GPHN: variants seen among roughly 807,000 people sequenced by gnomAD.
GPHN encodes gephyrin.
GPHN carries 17 observed loss-of-function variants against 95.5 expected under a neutral mutation model. The observed-to-expected ratio is 0.18, with a 90% CI of 0.12 to 0.27. The LOEUF is 0.27. Among genes scored for constraint, GPHN ranks in the 10% least tolerant of loss-of-function variants. The pLI is 1.00. For synonymous variants in GPHN, 320 were observed against 322.5 expected, an observed-to-expected ratio of 0.99 and a Z score of 0.08; for missense variants, 660 against 978.1, an observed-to-expected ratio of 0.67 and a Z score of 4.34.
intron 11 of GPHN, among the ~76,000 whole-genome samples, chr14:67,062,014 G>A (rs1262304411): frequency 6.6e-6 from 1 of 151,998 alleles, no homozygotes; most frequent in African/African-American, 2.4e-5. Context: ...TTCTTCATAT[G>A]TTTTGTAAGA....
intron 5 of GPHN, among the ~76,000 whole-genome samples, chr14:66,915,443 G>T (rs1273494310): frequency 6.6e-6 from 1 of 152,038 alleles, no homozygotes; most frequent in East Asian, 1.9e-4. Context: ...CCTGGAAATT[G>T]ACAATTATCT....
chr14:67,721,752 TATATA>T, the GPHN span, among the ~76,000 whole-genome samples: 1 of 149,598 alleles, frequency 6.7e-6, no homozygotes, highest in Non-Finnish European at 1.5e-5. Context: ...TATATATATA[TATATA>T]TATATATGTA....
chr14:67,342,626 G>T, the GPHN span, among the ~76,000 whole-genome samples: 1 of 148,618 alleles, frequency 6.7e-6, no homozygotes, highest in Non-Finnish European at 1.5e-5. Flanking sequence ...AGTCAAAAAG[G>T]TTTTTTAAAA....
chr14:67,641,047 A>G, the GPHN span, among the ~76,000 whole-genome samples: 1 of 152,206 alleles, frequency 6.6e-6, no homozygotes, highest in African/African-American at 2.4e-5. Context: ...ATAACTGCCT[A>G]TCAGTAGCAT....
At chr14:67,356,502 AC>A in the GPHN span, among the ~76,000 whole-genome samples, 25 of 152,252 alleles carry the variant, frequency 1.6e-4, no homozygotes, top group African/African-American at 5.8e-4. Flanking sequence ...GGAATCTTTT[AC>A]CATAGGGCTA....
the GPHN span, chr14:67,662,485 T>C: frequency 6.2e-7 from 1 of 1,611,994 alleles, no homozygotes; most frequent in South Asian, 1.1e-5. Context: ...ACCGTTTCAT[T>C]TGCTTCCTGT....
intron 8 of GPHN, among the ~76,000 whole-genome samples, chr14:66,962,764 G>T: frequency 6.7e-6 from 1 of 149,618 alleles, no homozygotes; most frequent in South Asian, 2.1e-4. Flanking sequence ...TTTTAATCTT[G>T]CAACTTTCTT....
chr14:67,425,821 C>T, the GPHN span, among the ~76,000 whole-genome samples: 1 of 152,110 alleles, frequency 6.6e-6, no homozygotes, highest in South Asian at 2.1e-4. Context: ...CAGCGGTGGG[C>T]GTGTCTCTGC....
At chr14:66,543,306 T>A (rs1594890697) in intron 1 of GPHN, among the ~76,000 whole-genome samples, 1 of 152,304 alleles carries the variant, frequency 6.6e-6, no homozygotes, top group East Asian at 1.9e-4. Flanking sequence ...TATTGCTAAA[T>A]CTCAAGTTAA....
intron 1 of GPHN, among the ~76,000 whole-genome samples, chr14:66,621,157 A>G (rs1312625783): frequency 3.7e-5 from 5 of 136,770 alleles, no homozygotes; most frequent in Non-Finnish European, 8.1e-5. Context: ...TTGTATTTTT[A>G]GTAGAGATGG....
the GPHN span, among the ~76,000 whole-genome samples, chr14:67,448,120 C>CTTTTTTTT: frequency 2.1e-3 from 76 of 36,078 alleles, 31 homozygotes; most frequent in African/African-American, 6.3e-3. Flanking sequence ...ATAGCCCATT[C>CTTTTTTTT]TTTTTTTTTT....
chr14:66,882,736 G>T (rs1482888584), intron 5 of GPHN, among the ~76,000 whole-genome samples: 3 of 151,522 alleles, frequency 2.0e-5, no homozygotes, highest in Non-Finnish European at 3.0e-5. Flanking sequence ...GAGTAGGTCT[G>T]CTGGTGAAAC....
At chr14:67,215,600 G>A in the GPHN span, among the ~76,000 whole-genome samples, 6 of 152,178 alleles carry the variant, frequency 3.9e-5, no homozygotes, top group Non-Finnish European at 5.9e-5. Context: ...AAAGGGATAC[G>A]GGAATATAAG....
the GPHN span, among the ~76,000 whole-genome samples, chr14:67,319,203 G>GTA: frequency 6.6e-6 from 1 of 152,170 alleles, no homozygotes; most frequent in Non-Finnish European, 1.5e-5. Context: ...ACAAGCCTAA[G>GTA]ATGGTCCCCT....
chr14:67,013,395 T>C (rs1369984777), intron 9 of GPHN, among the ~76,000 whole-genome samples: 1 of 152,072 alleles, frequency 6.6e-6, no homozygotes, highest in Non-Finnish European at 1.5e-5. Context: ...GAAAAAAATT[T>C]ACATACATCT....
chr14:66,592,829 A>G (rs9959878), intron 1 of GPHN, among the ~76,000 whole-genome samples: 1 of 152,188 alleles, frequency 6.6e-6, no homozygotes, highest in Non-Finnish European at 1.5e-5. Context: ...AAATCATTCT[A>G]CTATAAGGAC....
intron 10 of GPHN, among the ~76,000 whole-genome samples, chr14:67,028,812 A>T (rs1036521157): frequency 3.9e-5 from 6 of 152,122 alleles, no homozygotes; most frequent in African/African-American, 1.2e-4. Flanking sequence ...TCCATGTTGC[A>T]GGTTGACTCT....
At chr14:67,065,474 G>A (rs531696657) in intron 11 of GPHN, among the ~76,000 whole-genome samples, 1 of 152,270 alleles carries the variant, frequency 6.6e-6, no homozygotes, top group Admixed American at 6.5e-5. Context: ...CTGAGTTTGA[G>A]TCCTGGATAT....
At chr14:67,505,365 C>T in the GPHN span, among the ~76,000 whole-genome samples, 5 of 152,118 alleles carry the variant, frequency 3.3e-5, no homozygotes, top group African/African-American at 7.2e-5. Context: ...GATGTCTGTC[C>T]CCTGCAACTG....
Sources: allele counts gnomAD v4.1 joint callset (sites outside exome capture counted in the v4.1 genomes callset), GRCh38; gene constraint gnomAD v4.1.1; transcripts MANE v1.5; gene names NCBI Gene and HGNC (gene_info 2026-07-23, HGNC 2026-07-21).